The following MCPH1 variants were observed in gnomAD, a reference collection of about 807,000 sequenced individuals.
MCPH1 encodes microcephalin 1.
A neutral mutation model predicts 84.5 loss-of-function variants in MCPH1; 104 were observed. The ratio of observed to expected loss-of-function variants is 1.23; its 90% CI spans 1.05 to 1.45. MCPH1 has a LOEUF of 1.45. MCPH1 is among the 40% of genes most tolerant of loss of function. The pLI, the probability that MCPH1 is intolerant of heterozygous loss-of-function variation, is 0.00. For synonymous variants in MCPH1, 514 were observed against 366.8 expected, an observed-to-expected ratio of 1.40 and a Z score of -4.58; for missense variants, 1,498 against 1,005.7, an observed-to-expected ratio of 1.49 and a Z score of -6.62.
At chr8:6,522,178 A>T (rs888846840) in intron 12 of MCPH1, among the ~76,000 whole-genome samples, 5 of 151,822 alleles carry the variant, frequency 3.3e-5, no homozygotes, top group African/African-American at 1.2e-4. Flanking sequence ...ACACGGTGAA[A>T]CCCCGTCTCC....
chr8:6,552,306 C>A (rs1296427407), intron 12 of MCPH1, among the ~76,000 whole-genome samples: 1 of 152,144 alleles, frequency 6.6e-6, no homozygotes, highest in Non-Finnish European at 1.5e-5. Context: ...GGAATGTGGC[C>A]ATATTCACGC....
At chr8:6,639,067 G>T (rs1017842425) in intron 13 of MCPH1, among the ~76,000 whole-genome samples, 1 of 152,196 alleles carries the variant, frequency 6.6e-6, no homozygotes, top group African/African-American at 2.4e-5. Flanking sequence ...GTAGGCTTCT[G>T]TTCCATCTTG....
chr8:6,628,036 T>G (rs766070829), intron 13 of MCPH1, among the ~76,000 whole-genome samples: 20 of 152,184 alleles, frequency 1.3e-4, no homozygotes, highest in Non-Finnish European at 2.4e-4. Flanking sequence ...AAGCACTCCC[T>G]TCATTGCATT....
At chr8:6,579,652 T>G (rs1349368897) in intron 12 of MCPH1, among the ~76,000 whole-genome samples, 1 of 152,208 alleles carries the variant, frequency 6.6e-6, no homozygotes, top group Non-Finnish European at 1.5e-5. Flanking sequence ...CTTAATCTTA[T>G]GCTTAATGTA....
intron 4 of MCPH1, among the ~76,000 whole-genome samples, chr8:6,434,952 A>G (rs6559162): frequency 0.23 from 34,518 of 152,158 alleles, 4,675 homozygotes; most frequent in African/African-American, 0.38. Flanking sequence ...CGGGAAGTCA[A>G]TGGGCAGTTC....
At chr8:6,587,499 A>G (rs1189408723) in intron 12 of MCPH1, among the ~76,000 whole-genome samples, 1 of 152,184 alleles carries the variant, frequency 6.6e-6, no homozygotes, top group African/African-American at 2.4e-5. Context: ...GATATAGAAC[A>G]CTGTTTCTCG....
At chr8:6,462,543 C>G (rs1215598649) in intron 9 of MCPH1, among the ~76,000 whole-genome samples, 1 of 152,206 alleles carries the variant, frequency 6.6e-6, no homozygotes, top group Non-Finnish European at 1.5e-5. Flanking sequence ...GAGAGACTGT[C>G]TTCTTTCAGT....
chr8:6,584,201 T>C (rs1228658016), intron 12 of MCPH1, among the ~76,000 whole-genome samples: 1 of 152,134 alleles, frequency 6.6e-6, no homozygotes, highest in Non-Finnish European at 1.5e-5. Context: ...ATACACACTT[T>C]AAAAATAACA....
chr8:6,518,578 C>G (rs1012693039), intron 12 of MCPH1, among the ~76,000 whole-genome samples: 2 of 152,280 alleles, frequency 1.3e-5, no homozygotes, highest in South Asian at 4.2e-4. Flanking sequence ...GTTTCAAGTT[C>G]CAGGTCTTTA....
chr8:6,531,375 G>C (rs941458974), intron 12 of MCPH1, among the ~76,000 whole-genome samples: 2 of 150,520 alleles, frequency 1.3e-5, no homozygotes, highest in African/African-American at 4.9e-5. Context: ...TGCAGCCTCT[G>C]CCTCCTGGGT....
intron 12 of MCPH1, among the ~76,000 whole-genome samples, chr8:6,536,143 A>T (rs191191325): frequency 5.7e-4 from 87 of 152,332 alleles, no homozygotes; most frequent in African/African-American, 2.0e-3. Context: ...AGAGAAATAT[A>T]TGATGTGACA....
intron 12 of MCPH1, among the ~76,000 whole-genome samples, chr8:6,562,083 G>C (rs1163071159): frequency 6.6e-6 from 1 of 152,178 alleles, no homozygotes; most frequent in Admixed American, 6.5e-5. Context: ...CTGAGATTCT[G>C]AGAAACATAA....
chr8:6,494,474 T>G (rs1343317547), intron 11 of MCPH1: 1 of 152,222 alleles, frequency 6.6e-6, no homozygotes, highest in African/African-American at 2.4e-5. Flanking sequence ...TAAGGCAGTT[T>G]CTTTATCTGT....
chr8:6,521,131 T>A, intron 12 of MCPH1: 1 of 1,500,532 alleles, frequency 6.7e-7, no homozygotes, highest in South Asian at 1.2e-5. Context: ...AGTGTTTTAC[T>A]GACTAAAGGT....
intron 12 of MCPH1, among the ~76,000 whole-genome samples, chr8:6,530,784 C>T (rs1012220822): frequency 6.6e-6 from 1 of 152,086 alleles, no homozygotes; most frequent in Admixed American, 6.6e-5. Flanking sequence ...TCTATCATTT[C>T]ACTACTGTTT....
intron 12 of MCPH1, among the ~76,000 whole-genome samples, chr8:6,510,571 C>G (rs2442634): frequency 0.44 from 66,513 of 152,078 alleles, 14,887 homozygotes; most frequent in Middle Eastern, 0.52. Context: ...TTATAACCAC[C>G]TGCAGTGGTG....
chr8:6,531,638 C>G (rs746964247), intron 12 of MCPH1, among the ~76,000 whole-genome samples: 1 of 152,142 alleles, frequency 6.6e-6, no homozygotes, highest in African/African-American at 2.4e-5. Context: ...TAATCACTAG[C>G]TCATAGAATC....
rs1212032598 is a variant in MCPH1 at position 6,446,407 on chromosome 8, T to C, written c.1825+860T>C. The C allele has an allele frequency of 5.1e-6, 5 of 985,278 alleles. No individual in the cohort carries two copies. In the African/African-American group the frequency reaches 7.0e-5, roughly 14 times the overall value. 61.0% of individuals were successfully genotyped at this position (985,278 alleles called of 1,614,324 possible). On this transcript the variant is annotated intron_variant, in intron 8 of 13. Coordinates refer to ENST00000344683, the MANE Select transcript of MCPH1 (RefSeq NM_024596.5). ...TGCCTCTTTGAAGGTGGAGAAGTCA[T>C]GGTAGCGTTTGAAATCATCACAGAC...
chr8:6,465,374 C>T (rs145697454), intron 9 of MCPH1, among the ~76,000 whole-genome samples: 57 of 152,320 alleles, frequency 3.7e-4, no homozygotes, highest in African/African-American at 1.3e-3. Context: ...CCAAGTGACC[C>T]TGCCACTGCG....
Sources: allele counts gnomAD v4.1 joint callset (sites outside exome capture counted in the v4.1 genomes callset), GRCh38; gene constraint gnomAD v4.1.1; transcripts MANE v1.5; gene names NCBI Gene and HGNC (gene_info 2026-07-23, HGNC 2026-07-21).